The following MKLN1 variants were observed in gnomAD, a reference collection of about 807,000 sequenced individuals.
MKLN1 encodes muskelin.
In MKLN1, 18 loss-of-function variants were observed where a neutral mutation model predicts 99.0. The observed-to-expected ratio is 0.18, with a 90% confidence interval of 0.13 to 0.27. The LOEUF (loss-of-function observed/expected upper bound fraction) is 0.27, where lower values mean the gene tolerates loss of function less well. Among genes scored for constraint, MKLN1 ranks in the 10% least tolerant of loss-of-function variants. MKLN1 has a pLI of 1.00. For missense variants in MKLN1, 621 were observed against 875.9 expected (o/e 0.71, Z 3.67); for synonymous variants, 288 against 293.2 (o/e 0.98, Z 0.18).
intron 6 of MKLN1, among the ~76,000 whole-genome samples, chr7:131,406,613 T>C (rs906883326): frequency 6.6e-6 from 1 of 152,058 alleles, no homozygotes; most frequent in Non-Finnish European, 1.5e-5. Context: ...TTTAATCTTA[T>C]GTCTAGGATT....
At chr7:131,411,767 C>T (rs1052116896) in intron 7 of MKLN1, among the ~76,000 whole-genome samples, 1 of 151,538 alleles carries the variant, frequency 6.6e-6, no homozygotes, top group Non-Finnish European at 1.5e-5. Context: ...ATTAGCTGGG[C>T]GTGATGGTGT....
upstream of MKLN1, chr7:131,323,835 G>A (rs931301786): frequency 1.3e-5 from 2 of 152,126 alleles, no homozygotes; most frequent in Non-Finnish European, 2.9e-5. Flanking sequence ...GAGTCCTCAA[G>A]GTATGGGGGA....
chr7:131,275,565 ATATTTTTTTTTTTTTTTT>A (rs1797957924), intron 3 of MKLN1, among the ~76,000 whole-genome samples: 1 of 6,610 alleles, frequency 1.5e-4, no homozygotes, highest in Non-Finnish European at 2.5e-4. Flanking sequence ...ATATATATAT[ATATTTTTTTTTTTTTTTT>A]TTTTTTTTTG....
intron 3 of MKLN1, among the ~76,000 whole-genome samples, chr7:131,268,097 G>A (rs1797835230): frequency 6.6e-6 from 1 of 152,136 alleles, no homozygotes; most frequent in Non-Finnish European, 1.5e-5. Flanking sequence ...GGTTTCACAC[G>A]AGAACTAGTT....
intron 3 of MKLN1, among the ~76,000 whole-genome samples, chr7:131,265,604 T>A (rs1797796273): frequency 6.6e-6 from 1 of 152,104 alleles, no homozygotes; most frequent in Non-Finnish European, 1.5e-5. Flanking sequence ...AGTGTAAGAA[T>A]CCCAGCGGAG....
intron 3 of MKLN1, among the ~76,000 whole-genome samples, chr7:131,273,169 G>C (rs902592195): frequency 2.0e-5 from 3 of 152,238 alleles, no homozygotes; most frequent in African/African-American, 7.2e-5. Flanking sequence ...CCTGGTGCCA[G>C]TCCTACAGCC....
rs1478642468 is a variant in MKLN1, at chr7:131,387,111, T to A, written c.169-9T>A. The A allele has an allele frequency of 6.3e-7, 1 of 1,577,240 alleles. No homozygotes were observed. Among genetic ancestry groups the A allele is most frequent in the Non-Finnish European group, 8.6e-7 (1 of 1,166,976 alleles). On this transcript the variant is annotated splice_polypyrimidine_tract_variant and intron_variant, in intron 2 of 17. Coordinates refer to ENST00000352689, the MANE Select transcript of MKLN1 (RefSeq NM_013255.5). ...GAAGAGGATATAATTTGGTCGTTTC[T>A]TTTTTTAGTACTTGATTCTAAAGCT...
intron 2 of MKLN1, among the ~76,000 whole-genome samples, chr7:131,187,270 A>G (rs887365524): frequency 6.6e-6 from 1 of 151,966 alleles, no homozygotes; most frequent in African/African-American, 2.4e-5. Flanking sequence ...TTCCTACCGC[A>G]CAGTCAGCCT....
chr7:131,430,215 A>G (rs1795482908), intron 9 of MKLN1, among the ~76,000 whole-genome samples: 1 of 152,130 alleles, frequency 6.6e-6, no homozygotes, highest in Admixed American at 6.5e-5. Flanking sequence ...GCCATTTCCA[A>G]AGATCTAGTG....
intron 3 of MKLN1, among the ~76,000 whole-genome samples, chr7:131,247,768 T>C (rs908188104): frequency 2.0e-5 from 3 of 152,214 alleles, no homozygotes; most frequent in African/African-American, 7.2e-5. Context: ...CTAGTAGTAT[T>C]CCCATTTGAA....
intron 1 of MKLN1, among the ~76,000 whole-genome samples, chr7:131,366,608 C>T (rs1019105842): frequency 2.0e-5 from 3 of 151,902 alleles, no homozygotes; most frequent in Non-Finnish European, 2.9e-5. Flanking sequence ...GTCAGGAGTT[C>T]GAGACTAGCC....
chr7:131,437,970 A>T lies in MKLN1; in HGVS notation c.1146A>T (p.Gly382=). Residue 382 remains glycine, a synonymous_variant, in exon 10 of 18, where the codon GGA becomes GGT. Transcript: ENST00000352689. ...MLLSEDTAAD[G]GPKLVFDHQM... ...TAAGTGAGGATACTGCTGCTGATGG[A>T]GGGCCGAAATTGGTGTTTGATCATC... is the stretch of plus-strand genomic sequence containing the variant. The T allele has an allele frequency of 1.2e-6, 2 of 1,613,790 alleles. No individual in the cohort carries two copies. Among genetic ancestry groups the T allele is most frequent in the Non-Finnish European group, 1.7e-6 (2 of 1,179,762 alleles).
At chr7:131,280,181 T>C (rs1563277255) in intron 3 of MKLN1, among the ~76,000 whole-genome samples, 1 of 152,266 alleles carries the variant, frequency 6.6e-6, no homozygotes, top group Non-Finnish European at 1.5e-5. Flanking sequence ...TGTATGGCTA[T>C]ACCACATTTT....
intron 9 of MKLN1, among the ~76,000 whole-genome samples, chr7:131,436,223 T>C (rs1795672833): frequency 6.6e-6 from 1 of 152,150 alleles, no homozygotes. Context: ...CTGCCTAATA[T>C]TCCTTCATTT....
intron 2 of MKLN1, among the ~76,000 whole-genome samples, chr7:131,161,585 T>C (rs953565203): frequency 6.6e-6 from 1 of 152,202 alleles, no homozygotes; most frequent in African/African-American, 2.4e-5. Context: ...GGAGTCTCGC[T>C]CTGTCGCCCA....
At chr7:131,298,862 A>G (rs1019144282) in intron 3 of MKLN1, among the ~76,000 whole-genome samples, 15 of 152,300 alleles carry the variant, frequency 9.8e-5, no homozygotes, top group African/African-American at 3.6e-4. Context: ...AGGGTCAACT[A>G]TCAAGCGAAA....
intron 8 of MKLN1, among the ~76,000 whole-genome samples, chr7:131,427,780 A>G (rs541327832): frequency 7.9e-5 from 12 of 152,116 alleles, no homozygotes; most frequent in Admixed American, 7.2e-4. Context: ...GGTCTCAAAC[A>G]CCTGACCTTG....
chr7:131,173,972 T>C (rs547696009), intron 2 of MKLN1, among the ~76,000 whole-genome samples: 1,567 of 135,510 alleles, frequency 0.012, 33 homozygotes, highest in African/African-American at 0.023. Flanking sequence ...CTTTTTCTTT[T>C]TCTTTTTTTT....
chr7:131,169,542 CT>C (rs1796187013), intron 2 of MKLN1, among the ~76,000 whole-genome samples: 1 of 152,158 alleles, frequency 6.6e-6, no homozygotes. Context: ...TTAATGGCCT[CT>C]TTTGAAGGAT....
Sources: gnomAD v4.1 joint callset for allele counts (sites outside exome capture counted in the v4.1 genomes callset) on GRCh38, gnomAD v4.1.1 for gene constraint, MANE v1.5 for transcripts, NCBI Gene and HGNC (gene_info 2026-07-23, HGNC 2026-07-21) for gene names.